CCL16: variants seen among roughly 807,000 people sequenced by gnomAD.
CCL16 encodes C-C motif chemokine ligand 16, also known as C-C motif chemokine 16.
A neutral mutation model predicts 7.5 loss-of-function variants in CCL16; 6 were observed. The observed-to-expected ratio is 0.80, with a 90% CI of 0.44 to 1.57. The LOEUF is 1.57. Ranked by LOEUF, CCL16 falls within the 40% of genes most tolerant of loss-of-function variation. CCL16 has a pLI of 0.01. For synonymous variants in CCL16, 60 were observed against 57.7 expected, an observed-to-expected ratio of 1.04 and a Z score of -0.18; for missense variants, 134 against 142.9, an observed-to-expected ratio of 0.94 and a Z score of 0.32.
Position 35,977,752 on chromosome 17 carries a change from C to A in CCL16, c.198-21G>T, listed in dbSNP as rs116832677. 72 of 1,608,104 alleles carry A rather than the reference C, an allele frequency of 4.5e-5. No individual in the cohort carries two copies. In the African/African-American group the frequency reaches 9.0e-4, roughly 20 times the overall value. ...CGAAGCTGCAGAGGCAGAATTAGAC[C>A]GTCATGGGCTGCAGACTCGGGCAGG... On this transcript the variant is annotated intron_variant, in intron 2 of 2. Coordinates refer to ENST00000611905, the MANE Select transcript of CCL16 (RefSeq NM_004590.4).
chr17:35,981,392 A>G lies in CCL16; in HGVS notation c.29T>C (p.Leu10Pro), dbSNP rs368916906. The G allele has an allele frequency of 9.3e-6, 15 of 1,612,900 alleles. No homozygotes were observed. The highest frequency in any genetic ancestry group is 1.2e-5 in the Non-Finnish European group (14 of 1,179,590). ...AGTAATGATAAGGATGAGGACAAGG[A>G]GAGACAGGGCAGCCTCGGAGACCTT... MKVSEAALS[L>P]LVLILIITSA... The change falls in exon 1 of 3, where the codon CTC becomes CCC. Residue 10 changes from leucine (L) to proline (P), a missense_variant. Coordinates refer to ENST00000611905, the MANE Select transcript of CCL16 (RefSeq NM_004590.4).
chr17:35,977,662 C>A lies in CCL16; in HGVS notation c.267G>T (p.Lys89Asn). The A allele has an allele frequency of 1.2e-6, 2 of 1,612,254 alleles. No homozygotes were observed. Among genetic ancestry groups the A allele is most frequent in the South Asian group, 1.1e-5 (1 of 90,974 alleles). Residue 89 changes from lysine (K) to asparagine (N), a missense_variant, in exon 3 of 3, where the codon AAG becomes AAT. Transcript: ENST00000611905. The stretch of plus-strand genomic sequence containing the variant: ...TAGGCAGCAAAGGTAGGTTGGGATC[C>A]TTGATGTACTCTTGGACCCAGTCGT... ...PNDDWVQEYI[K>N]DPNLPLLPTR...
At chr17:35,980,908 A>G (rs2089676204) in intron 1 of CCL16, among the ~76,000 whole-genome samples, 1 of 151,772 alleles carries the variant, frequency 6.6e-6, no homozygotes, top group African/African-American at 2.4e-5. Flanking sequence ...CTCGGTTCAG[A>G]CTCCCAATTC....
In CCL16 at chr17:35,977,344, A is replaced by C. The variant is rs2089645424; in HGVS notation, c.*222T>G. ...TAAGACCCTATCTCAAAAAAATAAAAATATAAATATAAAAATAAAAGAGCG... is the reference window on the plus strand; with the variant it reads ...TAAGACCCTATCTCAAAAAAATAAACATATAAATATAAAAATAAAAGAGCG... On this transcript the variant is annotated 3_prime_UTR_variant, in exon 3 of 3. Transcript: ENST00000611905. 3 of 332,536 alleles carry C rather than the reference A, an allele frequency of 9.0e-6. No individual in the cohort carries two copies. In the East Asian group the frequency reaches 1.5e-4, roughly 17 times the overall value. 20.6% of individuals were successfully genotyped at this position (332,536 alleles called of 1,614,324 possible).
chr17:35,978,834 G>C (rs2089660129), intron 1 of CCL16: 1 of 154,048 alleles, frequency 6.5e-6, no homozygotes, highest in African/African-American at 2.4e-5. Context: ...TAAAGGATGA[G>C]TAGGATTTAG....
intron 1 of CCL16, chr17:35,980,630 C>G (rs998890300): frequency 6.5e-6 from 1 of 154,000 alleles, no homozygotes; most frequent in South Asian, 1.9e-4. Context: ...TCCTCCCCAC[C>G]CCCGTCACCA....
Position 35,977,650 on chromosome 17 carries a change from T to G in CCL16, c.279A>C (p.Leu93=), listed in dbSNP as rs777751361. The change falls in exon 3 of 3, where the codon CTA becomes CTC. Residue 93 remains leucine, a synonymous_variant. Coordinates refer to ENST00000611905, the MANE Select transcript of CCL16 (RefSeq NM_004590.4). ...ACAAGTTCCTGGTAGGCAGCAAAGGTAGGTTGGGATCCTTGATGTACTCTT... is the reference window on the plus strand; with the variant it reads ...ACAAGTTCCTGGTAGGCAGCAAAGGGAGGTTGGGATCCTTGATGTACTCTT... ...WVQEYIKDPN[L]PLLPTRNLST... 1 of 1,612,336 alleles carries G rather than the reference T, an allele frequency of 6.2e-7. No individual in the cohort carries two copies. The highest frequency in any genetic ancestry group is 1.1e-5 in the South Asian group (1 of 90,980).
chr17:35,979,234 C>G (rs2089663421), intron 1 of CCL16, among the ~76,000 whole-genome samples: 1 of 151,902 alleles, frequency 6.6e-6, no homozygotes, highest in Non-Finnish European at 1.5e-5. Context: ...CTTGGGAGTG[C>G]TGGGCAGTTT....
rs1028071571 is a variant in CCL16 at position 35,976,714 on chromosome 17, A to G, written c.*852T>C. 1 of 151,784 alleles carries G rather than the reference A, an allele frequency of 6.6e-6. No individual in the cohort carries two copies. The highest frequency in any genetic ancestry group is 2.4e-5 in the African/African-American group (1 of 41,290). 9.4% of individuals were successfully genotyped at this position (151,784 alleles called of 1,614,324 possible). A position where few individuals can be genotyped will look rare whatever the true frequency, so the allele number is the denominator to read the frequency against. On this transcript the variant is annotated 3_prime_UTR_variant, in exon 3 of 3. Coordinates refer to ENST00000611905, the MANE Select transcript of CCL16 (RefSeq NM_004590.4). ...CCCCTGCCACCCTGAGGAAGACAAA[A>G]TATGAGAGGATCTAGCAAAGTCTCT...
At chr17:35,978,079 A>G (rs2089652861) in intron 2 of CCL16, 64 bp downstream of exon 2, 6 of 1,606,164 alleles carry the variant, frequency 3.7e-6, no homozygotes, top group Non-Finnish European at 5.1e-6. Context: ...GATCCCATGT[A>G]TCTCATTCCT....
chr17:35,979,977 G>T (rs763118233), intron 1 of CCL16, among the ~76,000 whole-genome samples: 5 of 152,126 alleles, frequency 3.3e-5, no homozygotes, highest in Non-Finnish European at 7.4e-5. Flanking sequence ...CATGCTTTGG[G>T]TGGGCCATTT....
At chr17:35,978,105 G>A (rs2089653279) in intron 2 of CCL16, 38 bp downstream of exon 2, 1 of 1,613,764 alleles carries the variant, frequency 6.2e-7, no homozygotes, top group Admixed American at 1.7e-5. Context: ...TGGGCTCCCT[G>A]TCCCTCTCCA....
At chr17:35,977,967 C>T (rs2089651793) in intron 2 of CCL16, among the ~76,000 whole-genome samples, 176 bp downstream of exon 2, 3 of 152,160 alleles carry the variant, frequency 2.0e-5, no homozygotes, top group African/African-American at 4.8e-5. Context: ...TAATGAACCA[C>T]ATAGCTAAAA....
intron 1 of CCL16, 69 bp downstream of exon 1, chr17:35,981,276 G>A: frequency 8.8e-7 from 1 of 1,142,776 alleles, no homozygotes; most frequent in Non-Finnish European, 1.3e-6. Flanking sequence ...AGCGCCCTTG[G>A]CACTACCTCC....
At position 35,981,496 on chromosome 17, in the gene CCL16, C is replaced by T; in HGVS notation, c.-76G>A. On this transcript the variant is annotated 5_prime_UTR_variant, in exon 1 of 3. Coordinates refer to ENST00000611905, the MANE Select transcript of CCL16 (RefSeq NM_004590.4). ...CTGTTGCTGGTGGTCCGCTTGCCAACTACTCAGCTCTCTGGACCTTGACCG... is the reference window on the plus strand; with the variant it reads ...CTGTTGCTGGTGGTCCGCTTGCCAATTACTCAGCTCTCTGGACCTTGACCG... 9.8e-7 allele frequency: 1 copy of T among 1,019,140 alleles called. No individual in the cohort carries two copies. Among genetic ancestry groups the T allele is most frequent in the East Asian group, 2.6e-5 (1 of 38,966 alleles). The allele number at this position is 1,019,140 out of a possible 1,614,324, so 63.1% of individuals were successfully genotyped here. A position where few individuals can be genotyped will look rare whatever the true frequency, so the allele number is the denominator to read the frequency against.
intron 1 of CCL16, 103 bp from the exon 2 acceptor site, chr17:35,978,366 G>T: frequency 6.6e-7 from 1 of 1,513,788 alleles, no homozygotes; most frequent in Non-Finnish European, 9.1e-7. Context: ...TGATAGCAAA[G>T]CCGTCTGTTA....
At chr17:35,980,462 G>A (rs549684442) in intron 1 of CCL16, 65 of 159,868 alleles carry the variant, frequency 4.1e-4, no homozygotes, top group Admixed American at 3.1e-4. Flanking sequence ...CGGAGGTTGT[G>A]GTGAGCCGAG....
intron 1 of CCL16, among the ~76,000 whole-genome samples, chr17:35,979,919 A>G (rs2089668165): frequency 6.6e-6 from 1 of 152,156 alleles, no homozygotes; most frequent in Non-Finnish European, 1.5e-5. Flanking sequence ...CTTTGCCTCC[A>G]GTGAGTGGCA....
At chr17:35,981,268 C>A in intron 1 of CCL16, 77 bp downstream of exon 1, 1 of 986,574 alleles carries the variant, frequency 1.0e-6, no homozygotes, top group Non-Finnish European at 1.6e-6. Context: ...GACCCGACAG[C>A]GCCCTTGGCA....
Sources: allele counts gnomAD v4.1 joint callset (sites outside exome capture counted in the v4.1 genomes callset), GRCh38; gene constraint gnomAD v4.1.1; transcripts MANE v1.5; gene names NCBI Gene and HGNC (gene_info 2026-07-23, HGNC 2026-07-21).